Variants in RAD50 observed in about 807,000 individuals in gnomAD.
RAD50 encodes the protein DNA repair protein RAD50.
Under a neutral mutation model 168.8 loss-of-function variants are expected in RAD50, and 132 were observed. The ratio of observed to expected loss-of-function variants is 0.78; its 90% CI spans 0.68 to 0.90. The LOEUF is 0.90. RAD50 is among the 40% of genes least tolerant of loss of function. RAD50 has a pLI of 0.00. For synonymous variants in RAD50, 525 were observed against 497.4 expected (o/e 1.06, Z -0.74); for missense variants, 1,347 against 1,534.4 (o/e 0.88, Z 2.04).
intron 19 of RAD50, among the ~76,000 whole-genome samples, chr5:132,612,562 C>T (rs1751105163): frequency 1.3e-5 from 2 of 152,274 alleles, no homozygotes; most frequent in African/African-American, 4.8e-5. Context: ...TGGCCGGGCA[C>T]AGTGGCTCAT....
chr5:132,592,056 T>C lies in RAD50; in HGVS notation c.1793+22T>C, dbSNP rs10520116. 3,049 of 1,593,968 alleles carry C rather than the reference T, an allele frequency of 1.9e-3. 51 individuals are homozygous for C. The African/African-American group carries it at 0.036, about 19-fold the overall frequency. On this transcript the variant is annotated intron_variant, in intron 11 of 24. Transcript: ENST00000378823. ...TGAAGTAAGTTGCAACATTTGGAGA[T>C]GTAATAGAAATCTCTTATTTCATGC...
At chr5:132,599,680 C>T (rs1274282943) in intron 13 of RAD50, among the ~76,000 whole-genome samples, 1 of 151,910 alleles carries the variant, frequency 6.6e-6, no homozygotes, top group Non-Finnish European at 1.5e-5. Context: ...ACCTCAGCCT[C>T]CCAAAGTGCT....
intron 2 of RAD50, among the ~76,000 whole-genome samples, chr5:132,567,471 A>C (rs965699424): frequency 2.0e-5 from 3 of 152,250 alleles, no homozygotes; most frequent in African/African-American, 7.2e-5. Flanking sequence ...ATCACTAGGC[A>C]GATGAAACAA....
At chr5:132,610,018 G>GGT (rs1289916930) in intron 19 of RAD50, among the ~76,000 whole-genome samples, 26 of 130,948 alleles carry the variant, frequency 2.0e-4, no homozygotes, top group Admixed American at 3.7e-4. Flanking sequence ...GATAAATTTA[G>GGT]GTGTGTGTGT....
At chr5:132,605,881 C>T (rs922596365) in intron 16 of RAD50, among the ~76,000 whole-genome samples, 1 of 152,064 alleles carries the variant, frequency 6.6e-6, no homozygotes, top group Admixed American at 6.6e-5. Context: ...GAATGACTAC[C>T]GGTTAAATAA....
At chr5:132,608,103 T>C (rs1751016368) in intron 16 of RAD50, among the ~76,000 whole-genome samples, 1 of 152,268 alleles carries the variant, frequency 6.6e-6, no homozygotes, top group African/African-American at 2.4e-5. Context: ...AATATCTGCG[T>C]AGCCTTAGCA....
chr5:132,579,800 G>A (rs1750471106), intron 4 of RAD50, 62 bp from the exon 5 acceptor site: 8 of 1,345,652 alleles, frequency 5.9e-6, no homozygotes, highest in Non-Finnish European at 8.4e-6. Context: ...ATATCCCACT[G>A]TATGAATATA....
At chr5:132,609,933 A>T (rs900493636) in intron 19 of RAD50, among the ~76,000 whole-genome samples, 7 of 152,046 alleles carry the variant, frequency 4.6e-5, no homozygotes, top group African/African-American at 9.7e-5. Flanking sequence ...TCTCAATCTT[A>T]CTTCTACATG....
intron 21 of RAD50, among the ~76,000 whole-genome samples, 169 bp downstream of exon 21, chr5:132,618,463 C>G (rs1751218644): frequency 6.6e-6 from 1 of 152,192 alleles, no homozygotes; most frequent in Non-Finnish European, 1.5e-5. Flanking sequence ...ACTGCAACCT[C>G]TGCCTCCCGG....
rs1751846384 is a variant in RAD50, at chr5:132,646,169, T to C, written c.*3805T>C. 1 of 147,936 alleles carries C rather than the reference T, an allele frequency of 6.8e-6. No homozygotes were observed. Among genetic ancestry groups the C allele is most frequent in the Non-Finnish European group, 1.5e-5 (1 of 67,410 alleles). The allele number at this position is 147,936 out of a possible 1,614,324, so 9.2% of individuals were successfully genotyped here. On this transcript the variant is annotated 3_prime_UTR_variant, in exon 25 of 25. Coordinates refer to ENST00000378823, the MANE Select transcript of RAD50 (RefSeq NM_005732.4). ...ACTGGCAGTTCCTAGGATCATAGGA[T>C]ATAGGCAGGGCACTGACCACTCCTA...
intron 13 of RAD50, among the ~76,000 whole-genome samples, chr5:132,599,081 G>C (rs1750842378): frequency 6.6e-6 from 1 of 152,124 alleles, no homozygotes; most frequent in Non-Finnish European, 1.5e-5. Flanking sequence ...GAATGAATGA[G>C]AACTGTAGTG....
intron 21 of RAD50, chr5:132,631,027 T>A (rs1189358525): frequency 1.3e-5 from 2 of 152,162 alleles, no homozygotes; most frequent in Non-Finnish European, 2.9e-5. Context: ...CTGAAATTTT[T>A]AATGAAATCT....
At chr5:132,632,655 G>A (rs1255483329) in intron 21 of RAD50, among the ~76,000 whole-genome samples, 1 of 152,204 alleles carries the variant, frequency 6.6e-6, no homozygotes, top group Non-Finnish European at 1.5e-5. Flanking sequence ...GCTGCAGAGT[G>A]TGTCTTTGCA....
rs1561639017 is a variant in RAD50, at chr5:132,587,680, A to C, written c.875A>C (p.Lys292Thr). The stretch of plus-strand genomic sequence containing the variant: ...AAAGATAATAGTGAACTGGAAGAGA[A>C]AATGGAAAAGGTTTGTGGTGGTAGA... ...MEKDNSELEE[K>T]MEKVFQGTDE... Residue 292 changes from lysine (K) to threonine (T), a missense_variant, in exon 6 of 25, where the codon AAA (lysine) becomes ACA (threonine). This residue lies in a region of RAD50 where 703 missense variants were observed against 767.7 expected (regional missense o/e 0.92). Coordinates refer to ENST00000378823, the MANE Select transcript of RAD50 (RefSeq NM_005732.4). 1.2e-6 allele frequency: 2 copies of C among 1,613,788 alleles called. No homozygotes were observed. Among genetic ancestry groups the C allele is most frequent in the East Asian group, 4.5e-5 (2 of 44,770 alleles).
At chr5:132,611,448 G>A (rs868705671) in intron 19 of RAD50, among the ~76,000 whole-genome samples, 90 of 151,906 alleles carry the variant, frequency 5.9e-4, no homozygotes, top group African/African-American at 2.1e-3. Context: ...GCTCACGCCT[G>A]TAATCCCAGC....
At chr5:132,638,031 A>G (rs1386862449) in intron 22 of RAD50, 50 bp from the exon 23 acceptor site, 1 of 1,590,690 alleles carries the variant, frequency 6.3e-7, no homozygotes, top group African/African-American at 1.3e-5. Context: ...GTAAATGACA[A>G]AAGGCTACAG....
intron 19 of RAD50, among the ~76,000 whole-genome samples, chr5:132,609,963 T>C (rs996748668): frequency 2.6e-5 from 4 of 152,058 alleles, no homozygotes; most frequent in Non-Finnish European, 5.9e-5. Flanking sequence ...GTTACACTTA[T>C]TTGTTCTTAA....
chr5:132,612,836 T>C (rs137932319), intron 19 of RAD50, among the ~76,000 whole-genome samples: 40 of 151,948 alleles, frequency 2.6e-4, no homozygotes, highest in Middle Eastern at 3.4e-3. Context: ...TCAAAAAATA[T>C]ATATATATAT....
In RAD50 at chr5:132,620,002, T is replaced by G. The variant is rs192984069; in HGVS notation, c.3389+1708T>G. 2.3e-3 allele frequency among the ~76,000 whole-genome samples: 349 copies of G among 151,236 alleles called. 1 individual carries two copies. Among genetic ancestry groups the G allele is most frequent in the Non-Finnish European group, 3.9e-3 (261 of 67,778 alleles). On this transcript the variant is annotated intron_variant, in intron 21 of 24. Transcript: ENST00000378823. Reference sequence around the variant, plus strand: ...TCACTGCAAGCTCTGCCTCCCAGGTTCACGCCATTCTCCTGCCTCAGCCTC... The same window carrying G: ...TCACTGCAAGCTCTGCCTCCCAGGTGCACGCCATTCTCCTGCCTCAGCCTC...
Sources: gnomAD v4.1 joint callset for allele counts (sites outside exome capture counted in the v4.1 genomes callset) on GRCh38, gnomAD v4.1.1 for gene constraint, gnomAD v4.1.1 regional missense constraint, MANE v1.5 for transcripts, NCBI Gene and HGNC (gene_info 2026-07-23, HGNC 2026-07-21) for gene names.